Variants in LRP1B observed in about 807,000 individuals in gnomAD.
LRP1B encodes the protein low-density lipoprotein receptor-related protein 1B.
LRP1B carries 217 observed loss-of-function variants against 556.6 expected under a neutral mutation model. The ratio of observed to expected loss-of-function variants is 0.39; its 90% CI spans 0.35 to 0.44. LRP1B has a LOEUF of 0.44. Among genes scored for constraint, LRP1B ranks in the 20% least tolerant of loss-of-function variants. The probability of loss-of-function intolerance (pLI) is 1.00; values close to 1 mark genes in which losing one functional copy is unlikely to be tolerated. For synonymous variants in LRP1B, 2,047 were observed against 1,865.8 expected (o/e 1.10, Z -2.50); for missense variants, 5,053 against 5,620.8 (o/e 0.90, Z 3.23).
At chr2:140,602,648 A>G (rs2105202657) in intron 41 of LRP1B, among the ~76,000 whole-genome samples, 1 of 152,140 alleles carries the variant, frequency 6.6e-6, no homozygotes, top group Middle Eastern at 3.4e-3. Context: ...TTCCAGGTTT[A>G]AGATGAGTTA....
intron 7 of LRP1B, among the ~76,000 whole-genome samples, chr2:141,175,204 T>G (rs1287360799): frequency 6.6e-6 from 1 of 152,064 alleles, no homozygotes; most frequent in African/African-American, 2.4e-5. Flanking sequence ...GTTTGAAAAA[T>G]TTACAGCCTG....
intron 66 of LRP1B, among the ~76,000 whole-genome samples, chr2:140,401,506 C>T (rs964200379): frequency 1.3e-5 from 2 of 152,138 alleles, no homozygotes; most frequent in East Asian, 1.9e-4. Flanking sequence ...AAAAGGGCTG[C>T]AGCTTGCCCC....
chr2:140,251,406 T>A (rs1681409545), intron 86 of LRP1B, among the ~76,000 whole-genome samples: 1 of 151,850 alleles, frequency 6.6e-6, no homozygotes, highest in Non-Finnish European at 1.5e-5. Context: ...CAATGATCAA[T>A]GTATATGAAC....
chr2:140,759,180 T>TAA (rs550068155), intron 35 of LRP1B, among the ~76,000 whole-genome samples: 1 of 151,504 alleles, frequency 6.6e-6, no homozygotes, highest in South Asian at 2.1e-4. Context: ...GATTTTTTTT[T>TAA]AAAAAATAGC....
At chr2:141,712,226 A>G (rs1692388833) in intron 2 of LRP1B, among the ~76,000 whole-genome samples, 1 of 152,180 alleles carries the variant, frequency 6.6e-6, no homozygotes, top group Non-Finnish European at 1.5e-5. Flanking sequence ...AATTTGTAAC[A>G]GAAAAATTTA....
At chr2:141,353,510 C>T (rs538177533) in intron 3 of LRP1B, among the ~76,000 whole-genome samples, 20 of 151,978 alleles carry the variant, frequency 1.3e-4, no homozygotes, top group African/African-American at 4.6e-4. Context: ...TCTTTAAAAA[C>T]TTTTTTAACA....
intron 86 of LRP1B, among the ~76,000 whole-genome samples, chr2:140,253,382 TGAA>T (rs1299095534): frequency 1.3e-5 from 2 of 152,056 alleles, no homozygotes; most frequent in African/African-American, 2.4e-5. Context: ...AAGTTTCTAT[TGAA>T]GAGGTGGCCA....
intron 66 of LRP1B, among the ~76,000 whole-genome samples, chr2:140,433,809 CT>C (rs1558879618): frequency 6.6e-6 from 1 of 151,066 alleles, no homozygotes; most frequent in African/African-American, 2.4e-5. Context: ...AATAGTATCA[CT>C]TTATATTTCT....
intron 41 of LRP1B, among the ~76,000 whole-genome samples, chr2:140,665,917 A>G (rs1351825454): frequency 6.6e-6 from 1 of 152,040 alleles, no homozygotes; most frequent in African/African-American, 2.4e-5. Context: ...CTTAAGTCTT[A>G]GAGATTCCCA....
chr2:141,914,112 C>A (rs1047130692), intron 1 of LRP1B, among the ~76,000 whole-genome samples: 1 of 151,884 alleles, frequency 6.6e-6, no homozygotes, highest in Non-Finnish European at 1.5e-5. Context: ...TACCTAGGTC[C>A]GTATTAAATT....
chr2:141,613,140 C>T (rs1218114166), intron 2 of LRP1B, among the ~76,000 whole-genome samples: 4 of 152,016 alleles, frequency 2.6e-5, no homozygotes, highest in Non-Finnish European at 1.5e-5. Flanking sequence ...CTACTGCCTT[C>T]CTGTCCTCAT....
Position 140,541,861 on chromosome 2 carries a change from T to C in LRP1B, c.7305A>G (p.Thr2435=), listed in dbSNP as rs749981591. The C allele has an allele frequency of 6.2e-7, 1 of 1,613,040 alleles. No individual in the cohort carries two copies. The highest frequency in any genetic ancestry group is 1.1e-5 in the South Asian group (1 of 91,018). The change falls in exon 44 of 91, where the codon ACA becomes ACG. Residue 2435 remains threonine (T), a synonymous_variant. Coordinates refer to ENST00000389484, the MANE Select transcript of LRP1B (RefSeq NM_018557.3). ...RRAILRSNKY[T]GGDTKILRSD... ...AACGAAGAATTTTTGTATCTCCTCC[T>C]GTGTACTTGTTGGACCGCAGTATAG...
intron 41 of LRP1B, among the ~76,000 whole-genome samples, chr2:140,619,275 G>C (rs904540439): frequency 4.6e-5 from 7 of 151,940 alleles, no homozygotes; most frequent in African/African-American, 1.5e-4. Flanking sequence ...AAAATAAACT[G>C]CTTGTATTTC....
intron 1 of LRP1B, among the ~76,000 whole-genome samples, chr2:141,942,661 T>G (rs529568520): frequency 6.6e-6 from 1 of 152,200 alleles, no homozygotes; most frequent in Non-Finnish European, 1.5e-5. Flanking sequence ...GAACAAGATA[T>G]CAGATTCTCA....
intron 66 of LRP1B, among the ~76,000 whole-genome samples, chr2:140,392,492 C>T (rs1684065535): frequency 6.6e-6 from 1 of 151,642 alleles, no homozygotes; most frequent in African/African-American, 2.4e-5. Flanking sequence ...AAGAATGCAA[C>T]CTTTTTTTTT....
intron 7 of LRP1B, among the ~76,000 whole-genome samples, chr2:141,074,646 A>AT (rs397691777): frequency 2.8e-5 from 4 of 144,690 alleles, no homozygotes; most frequent in South Asian, 4.3e-4. Flanking sequence ...TTACATATAT[A>AT]ATTTTTTTCA....
chr2:140,915,755 T>TGAAG (rs1694556532), intron 21 of LRP1B, among the ~76,000 whole-genome samples: 1 of 151,704 alleles, frequency 6.6e-6, no homozygotes, highest in African/African-American at 2.4e-5. Context: ...TAGACAGGAC[T>TGAAG]GAAGGGAAAC....
intron 7 of LRP1B, among the ~76,000 whole-genome samples, chr2:141,093,681 G>A (rs973913975): frequency 6.6e-5 from 10 of 151,896 alleles, no homozygotes; most frequent in Non-Finnish European, 1.2e-4. Flanking sequence ...GAGAGCTGAG[G>A]GTGTGAGTAA....
At chr2:141,816,103 A>G (rs527735469) in intron 1 of LRP1B, among the ~76,000 whole-genome samples, 4 of 152,236 alleles carry the variant, frequency 2.6e-5, no homozygotes, top group South Asian at 4.1e-4. Flanking sequence ...ATGTTCACCT[A>G]TAGGGAGGGA....
Sources: allele counts gnomAD v4.1 joint callset (sites outside exome capture counted in the v4.1 genomes callset), GRCh38; gene constraint gnomAD v4.1.1; transcripts MANE v1.5; gene names NCBI Gene and HGNC (gene_info 2026-07-23, HGNC 2026-07-21).